The following CCDC88C variants were observed in gnomAD, a reference collection of about 807,000 sequenced individuals.
CCDC88C encodes the protein protein Daple.
In CCDC88C, 131 loss-of-function variants were observed where a neutral mutation model predicts 198.8. The observed-to-expected ratio is 0.66, with a 90% CI of 0.57 to 0.76. The LOEUF is 0.76. Ranked by LOEUF, CCDC88C falls within the 30% of genes least tolerant of loss-of-function variation. The pLI, the probability that CCDC88C is intolerant of heterozygous loss-of-function variation, is 0.00. For synonymous variants in CCDC88C, 1,166 were observed against 1,114.7 expected (o/e 1.05, Z -0.92); for missense variants, 2,553 against 2,631.6 (o/e 0.97, Z 0.65).
At chr14:91,319,792 G>A (rs200174457) in intron 13 of CCDC88C, among the ~76,000 whole-genome samples, 3 of 152,106 alleles carry the variant, frequency 2.0e-5, no homozygotes, top group East Asian at 1.9e-4. Context: ...TTGGGAGGCC[G>A]AGGCGGGTGG....
intron 5 of CCDC88C, 42 bp from the exon 6 acceptor site, chr14:91,342,505 G>A (rs1893354496): frequency 6.1e-6 from 8 of 1,320,932 alleles, no homozygotes; most frequent in Non-Finnish European, 8.6e-6. Context: ...CTGTTCAAGT[G>A]AGGGTGAAGC....
chr14:91,314,779 A>G (rs1892020676), intron 14 of CCDC88C, among the ~76,000 whole-genome samples: 1 of 152,160 alleles, frequency 6.6e-6, no homozygotes, highest in Admixed American at 6.5e-5. Flanking sequence ...CCGTCTGTTT[A>G]CCATGCACCA....
intron 3 of CCDC88C, among the ~76,000 whole-genome samples, chr14:91,397,811 G>A (rs565559240): frequency 1.6e-4 from 25 of 152,318 alleles, no homozygotes; most frequent in African/African-American, 5.8e-4. Context: ...CCCACTGCGG[G>A]TGCAGATCCT....
intron 3 of CCDC88C, among the ~76,000 whole-genome samples, chr14:91,382,641 T>C (rs1161317687): frequency 6.6e-6 from 1 of 152,006 alleles, no homozygotes; most frequent in Non-Finnish European, 1.5e-5. Flanking sequence ...GGGATGAAAT[T>C]AAATCTGACC....
chr14:91,347,692 T>C (rs1355668872), intron 4 of CCDC88C, among the ~76,000 whole-genome samples: 1 of 152,160 alleles, frequency 6.6e-6, no homozygotes, highest in African/African-American at 2.4e-5. Context: ...CAACAGGTGC[T>C]GGAGAGGATG....
chr14:91,364,838 G>A (rs1894458580), intron 3 of CCDC88C, among the ~76,000 whole-genome samples: 5 of 152,212 alleles, frequency 3.3e-5, no homozygotes, highest in Admixed American at 2.0e-4. Flanking sequence ...TCTAAGAACA[G>A]AACCAAAGAG....
rs545688975 is a variant in CCDC88C at position 91,372,180 on chromosome 14, T to A, written c.271-12469A>T. ...ACACTTCCCGGGCACCTGCTGGGTG[T>A]CTGATGGCATGCCAGTTGGGAGGTG... On this transcript the variant is annotated intron_variant, in intron 3 of 29. Coordinates refer to ENST00000389857, the MANE Select transcript of CCDC88C (RefSeq NM_001080414.4). Among the ~76,000 whole-genome samples, 10 of 151,996 alleles carry A rather than the reference T, an allele frequency of 6.6e-5. No individual in the cohort carries two copies. In the South Asian group the frequency reaches 1.9e-3, roughly 28 times the overall value.
intron 20 of CCDC88C, 60 bp from the exon 21 acceptor site, chr14:91,300,130 T>G: frequency 6.4e-7 from 1 of 1,566,992 alleles, no homozygotes; most frequent in Non-Finnish European, 8.6e-7. Context: ...GACAGGTAAC[T>G]CACATCCCAG....
chr14:91,368,970 C>A (rs1329542892), intron 3 of CCDC88C, among the ~76,000 whole-genome samples: 1 of 152,218 alleles, frequency 6.6e-6, no homozygotes, highest in Non-Finnish European at 1.5e-5. Flanking sequence ...CCTTTCTCCT[C>A]CTTCCTCCCT....
At position 91,408,691 on chromosome 14, in the gene CCDC88C, T is replaced by C. The variant is rs1461752961; in HGVS notation, c.238A>G (p.Ile80Val). Residue 80 changes from isoleucine to valine, a missense_variant, in exon 3 of 30, where the codon ATC becomes GTC. By Grantham distance (29) the Ile-to-Val change is conservative. Transcript: ENST00000389857. ...DVNLRIQNLTILVRNIKTYYQ... is the reference protein window; with the variant it reads ...DVNLRIQNLTVLVRNIKTYYQ... The stretch of plus-strand genomic sequence containing the variant: ...TAGGTCTTAATGTTTCTCACCAAGA[T>C]GGTCAAATTCTGAATGCGAAGGTTC... The C allele has an allele frequency of 6.8e-6, 11 of 1,613,386 alleles. No homozygotes were observed. Among genetic ancestry groups the C allele is most frequent in the East Asian group, 4.5e-5 (2 of 44,904 alleles).
At chr14:91,289,998 TG>T (rs1890589450) in intron 24 of CCDC88C, among the ~76,000 whole-genome samples, 1 of 151,936 alleles carries the variant, frequency 6.6e-6, no homozygotes, top group Non-Finnish European at 1.5e-5. Context: ...GGGCCAGGCA[TG>T]GTGGCTCACG....
chr14:91,313,855 A>G lies in CCDC88C; in HGVS notation c.1961T>C (p.Leu654Pro). 1.9e-6 allele frequency: 3 copies of G among 1,602,596 alleles called. No homozygotes were observed. The highest frequency in any genetic ancestry group is 2.6e-6 in the Non-Finnish European group (3 of 1,176,292). ...CTCGACTTTCTCGGTGGCTGTCTCCAGGGAGGTCACCTTCCTGGCCAGCCT... is the reference window on the plus strand; with the variant it reads ...CTCGACTTTCTCGGTGGCTGTCTCCGGGGAGGTCACCTTCCTGGCCAGCCT... ...NGRLARKVTS[L>P]ETATEKVEAL... Residue 654 changes from leucine to proline, a missense_variant, in exon 15 of 30, where the codon CTG becomes CCG. Leu to Pro is a moderately conservative substitution (Grantham distance 98). Transcript: ENST00000389857. The surrounding 1 kb of genome is among the most constrained non-coding windows in gnomAD (Gnocchi z 5.2).
intron 3 of CCDC88C, among the ~76,000 whole-genome samples, chr14:91,406,538 T>C (rs1396153751): frequency 6.6e-6 from 1 of 152,216 alleles, no homozygotes; most frequent in Non-Finnish European, 1.5e-5. Context: ...TATCACCTCC[T>C]CCAAGAAGAC....
At chr14:91,348,596 T>C (rs552795169) in intron 4 of CCDC88C, among the ~76,000 whole-genome samples, 1 of 152,244 alleles carries the variant, frequency 6.6e-6, no homozygotes, top group South Asian at 2.1e-4. Context: ...ATGACAACCC[T>C]GAGTTCATTC....
chr14:91,315,770 G>A lies in CCDC88C; in HGVS notation c.1545C>T (p.Thr515=). Residue 515 remains threonine, a synonymous_variant, in exon 14 of 30, where the codon ACC becomes ACT. Transcript: ENST00000389857. The stretch of plus-strand genomic sequence containing the variant: ...TGCTCTGCTTTTCTCTCTCCAGCTG[G>A]GTTTGTAACTTTTCAATCTGCAGAA... ...QLSKKIEKLQ[T]QLEREKQSNQ... is the part of the protein sequence containing the mutation. The A allele has an allele frequency of 2.5e-6, 4 of 1,612,960 alleles. No homozygotes were observed. The highest frequency in any genetic ancestry group is 3.4e-6 in the Non-Finnish European group (4 of 1,179,442).
intron 3 of CCDC88C, among the ~76,000 whole-genome samples, chr14:91,377,551 C>G (rs918059627): frequency 2.6e-5 from 4 of 152,234 alleles, no homozygotes; most frequent in Admixed American, 6.5e-5. Context: ...GATGGCCCCC[C>G]CCCGGTGCCA....
intron 13 of CCDC88C, 141 bp downstream of exon 13, chr14:91,320,979 C>A: frequency 2.7e-6 from 2 of 751,816 alleles, no homozygotes; most frequent in Non-Finnish European, 4.2e-6. Flanking sequence ...GCGGTGACTG[C>A]GCCTGGATTC....
intron 3 of CCDC88C, among the ~76,000 whole-genome samples, chr14:91,399,762 C>T (rs780823116): frequency 2.0e-5 from 3 of 151,092 alleles, no homozygotes; most frequent in Non-Finnish European, 4.4e-5. Flanking sequence ...TCATGTGAAC[C>T]CAGGAGGCAG....
chr14:91,393,311 G>A (rs905639770), intron 3 of CCDC88C, among the ~76,000 whole-genome samples: 2 of 152,156 alleles, frequency 1.3e-5, no homozygotes, highest in Non-Finnish European at 2.9e-5. Flanking sequence ...TATTCTGTCC[G>A]CAAGTAGGAT....
Sources: allele counts gnomAD v4.1 joint callset (sites outside exome capture counted in the v4.1 genomes callset), GRCh38; gene constraint gnomAD v4.1.1; non-coding constraint Gnocchi (gnomAD v3.1); transcripts MANE v1.5; gene names NCBI Gene and HGNC (gene_info 2026-07-23, HGNC 2026-07-21).